The following SMG6 variants were observed in gnomAD, a reference collection of about 807,000 sequenced individuals.
SMG6 encodes the protein SMG6 nonsense mediated mRNA decay factor.
Under a neutral mutation model 142.2 loss-of-function variants are expected in SMG6, and 66 were observed. The observed-to-expected ratio is 0.46, with a 90% CI of 0.38 to 0.57. The LOEUF is 0.57. SMG6 is among the 20% of genes least tolerant of loss of function. SMG6 has a pLI of 0.00. For missense variants in SMG6, 1,793 were observed against 1,832.0 expected (o/e 0.98, Z 0.39); for synonymous variants, 779 against 702.4 (o/e 1.11, Z -1.72).
chr17:2,124,539 G>C (rs1430333302), intron 13 of SMG6, among the ~76,000 whole-genome samples: 1 of 152,174 alleles, frequency 6.6e-6, no homozygotes, highest in African/African-American at 2.4e-5. Context: ...CACTGCTCCT[G>C]GCTGTCCAAG....
intron 10 of SMG6, among the ~76,000 whole-genome samples, chr17:2,189,714 G>A (rs1322973704): frequency 1.3e-5 from 2 of 152,138 alleles, no homozygotes; most frequent in Non-Finnish European, 2.9e-5. Flanking sequence ...CAACCACAGT[G>A]ATTCCTTACC....
At position 2,085,621 on chromosome 17, in the gene SMG6, G is replaced by T; in HGVS notation, c.3534+104C>A. 1 of 1,172,988 alleles carries T rather than the reference G, an allele frequency of 8.5e-7. No homozygotes were observed. The highest frequency in any genetic ancestry group is 1.2e-6 in the Non-Finnish European group (1 of 820,572). The allele number at this position is 1,172,988 out of a possible 1,614,324, so 72.7% of individuals were successfully genotyped here. A position where few individuals can be genotyped will look rare whatever the true frequency, so the allele number is the denominator to read the frequency against. On this transcript the variant is annotated intron_variant, in intron 14 of 18. Transcript: ENST00000263073. This position sits in a 1 kb window ranked among gnomAD's most constrained non-coding sequence, Gnocchi z 4.1. ...GCTGGCTGGTCACATTAACACAGACGCTGTTCTCTGTGCTCATAAATAAGC... is the reference window on the plus strand; with the variant it reads ...GCTGGCTGGTCACATTAACACAGACTCTGTTCTCTGTGCTCATAAATAAGC...
At chr17:2,209,760 A>G (rs1472425581) in intron 10 of SMG6, among the ~76,000 whole-genome samples, 3 of 152,204 alleles carry the variant, frequency 2.0e-5, no homozygotes, top group African/African-American at 7.2e-5. Context: ...TTAGCCTCCC[A>G]AAGTGCTGGG....
At chr17:2,240,803 C>T (rs1421306659) in intron 9 of SMG6, among the ~76,000 whole-genome samples, 3 of 152,244 alleles carry the variant, frequency 2.0e-5, no homozygotes, top group African/African-American at 4.8e-5. Flanking sequence ...AGCGTCCGAG[C>T]TTTTCCGAAA....
chr17:2,112,746 A>C (rs1173484916), intron 13 of SMG6, among the ~76,000 whole-genome samples: 1 of 149,572 alleles, frequency 6.7e-6, no homozygotes, highest in African/African-American at 2.5e-5. Context: ...AGGTGTAATG[A>C]GCTCCAAACT....
At chr17:2,146,593 T>C (rs1404364005) in intron 13 of SMG6, among the ~76,000 whole-genome samples, 1 of 152,200 alleles carries the variant, frequency 6.6e-6, no homozygotes. Flanking sequence ...CAGGCTACAG[T>C]GCGGTGGCGT....
intron 13 of SMG6, among the ~76,000 whole-genome samples, chr17:2,099,007 T>C (rs867766415): frequency 3.9e-5 from 6 of 152,158 alleles, no homozygotes; most frequent in Admixed American, 6.5e-5. Context: ...CGTGTTTTTT[T>C]CTCCTAAGTA....
intron 13 of SMG6, among the ~76,000 whole-genome samples, chr17:2,138,321 C>G (rs2070370103): frequency 6.6e-6 from 1 of 152,084 alleles, no homozygotes; most frequent in African/African-American, 2.4e-5. Flanking sequence ...AGAAGCCTGT[C>G]CCCCATCTAC....
At chr17:2,104,624 C>T (rs1263554293) in intron 13 of SMG6, among the ~76,000 whole-genome samples, 2 of 144,698 alleles carry the variant, frequency 1.4e-5, no homozygotes, top group African/African-American at 2.7e-5. Flanking sequence ...TCATTGATCA[C>T]GCTTTCTTGG....
At chr17:2,175,302 G>T (rs762888134) in intron 12 of SMG6, among the ~76,000 whole-genome samples, 1 of 152,194 alleles carries the variant, frequency 6.6e-6, no homozygotes, top group African/African-American at 2.4e-5. Flanking sequence ...GTTGGTGCGT[G>T]CAGGTCAAGG....
chr17:2,072,583 C>T (rs1419111686), intron 15 of SMG6, among the ~76,000 whole-genome samples: 3 of 152,128 alleles, frequency 2.0e-5, no homozygotes, highest in Admixed American at 2.0e-4. Context: ...TCCTTCTCTA[C>T]GGTGGAGATG....
intron 10 of SMG6, among the ~76,000 whole-genome samples, chr17:2,217,234 C>CAATACAATACACAATACACAATAAAAA (rs2073044903): frequency 6.6e-6 from 1 of 151,872 alleles, no homozygotes; most frequent in Non-Finnish European, 1.5e-5. Context: ...TACATTTACA[C>CAATACAATACACAATACACAATAAAAA]AATACATTAT....
chr17:2,236,740 C>T (rs1769459672), intron 9 of SMG6, 103 bp from the exon 10 acceptor site: 3 of 1,063,124 alleles, frequency 2.8e-6, no homozygotes, highest in Non-Finnish European at 3.8e-6. Context: ...CACACACACA[C>T]ACACACACAC....
At chr17:2,166,895 C>T (rs534504820) in intron 13 of SMG6, among the ~76,000 whole-genome samples, 1 of 152,142 alleles carries the variant, frequency 6.6e-6, no homozygotes, top group South Asian at 2.1e-4. Flanking sequence ...GAGGCTGAGG[C>T]GGGCAGATCA....
Position 2,060,778 on chromosome 17 carries a change from T to A in SMG6, c.*714A>T, listed in dbSNP as rs1340560730. On this transcript the variant is annotated 3_prime_UTR_variant, in exon 19 of 19. Transcript: ENST00000263073. ...ACGGGCCTGAGACCAGATGCCCCTT[T>A]CCTCTAGACTCATGACTGTCCACGG... The A allele has an allele frequency of 6.6e-6, 1 of 152,028 alleles. No homozygotes were observed. The highest frequency in any genetic ancestry group is 1.9e-4 in the East Asian group (1 of 5,174). 9.4% of individuals were successfully genotyped at this position (152,028 alleles called of 1,614,324 possible). A position where few individuals can be genotyped will look rare whatever the true frequency, so the allele number is the denominator to read the frequency against.
rs190870485 is a variant in SMG6 at position 2,279,111 on chromosome 17, T to C, written c.2661+3536A>G. On this transcript the variant is annotated intron_variant, in intron 8 of 18. Transcript: ENST00000263073. Reference sequence around the variant, plus strand: ...AAATGTGGTTATTACAAAGGCGAAATGGCCAGTCTCAGGGATCAGGAAACG... The same window carrying C: ...AAATGTGGTTATTACAAAGGCGAAACGGCCAGTCTCAGGGATCAGGAAACG... Among the ~76,000 whole-genome samples the C allele has an allele frequency of 7.9e-5, 12 of 152,206 alleles. No individual in the cohort carries two copies. In the East Asian group the frequency reaches 2.3e-3, roughly 29 times the overall value.
intron 8 of SMG6, among the ~76,000 whole-genome samples, chr17:2,260,321 T>C (rs1370173159): frequency 3.3e-5 from 5 of 151,880 alleles, no homozygotes; most frequent in East Asian, 1.9e-4. Flanking sequence ...ATGATGTCAC[T>C]TTCCCCCCCC....
chr17:2,190,404 G>T (rs959296848), intron 10 of SMG6, among the ~76,000 whole-genome samples: 1 of 152,172 alleles, frequency 6.6e-6, no homozygotes, highest in African/African-American at 2.4e-5. Flanking sequence ...CAAGAGACTG[G>T]CATTTTATGA....
intron 7 of SMG6, among the ~76,000 whole-genome samples, chr17:2,283,246 A>G (rs1225510819): frequency 2.0e-5 from 3 of 152,224 alleles, no homozygotes; most frequent in Admixed American, 6.5e-5. Flanking sequence ...CCTCACCGGT[A>G]TTTATTTGAC....
Sources: allele counts gnomAD v4.1 joint callset (sites outside exome capture counted in the v4.1 genomes callset), GRCh38; gene constraint gnomAD v4.1.1; non-coding constraint Gnocchi (gnomAD v3.1); transcripts MANE v1.5; gene names NCBI Gene and HGNC (gene_info 2026-07-23, HGNC 2026-07-21).